The following KLHL1 variants were observed in gnomAD, a reference collection of about 807,000 sequenced individuals.
The protein encoded by KLHL1 is kelch-like protein 1.
In KLHL1, 47 loss-of-function variants were observed where a neutral mutation model predicts 77.7. The ratio of observed to expected loss-of-function variants is 0.60; its 90% CI spans 0.48 to 0.77. The LOEUF is 0.77. Among genes scored for constraint, KLHL1 ranks in the 30% least tolerant of loss-of-function variants. The pLI is 0.00. For missense variants in KLHL1, 925 were observed against 910.8 expected, an observed-to-expected ratio of 1.02 and a Z score of -0.20; for synonymous variants, 360 against 325.2, an observed-to-expected ratio of 1.11 and a Z score of -1.15.
Position 69,940,047 on chromosome 13 carries a change from T to G in KLHL1, c.1007A>C (p.Tyr336Ser). ...CIELMKVAHSYTMENIMEVIR... is the reference protein window; with the variant it reads ...CIELMKVAHSSTMENIMEVIR... ...AACATTAAGTTTCCTTACCATTGTG[T>G]AGCTGTGGGCCACCTTCATTAACTC... Residue 336 changes from tyrosine to serine, a missense_variant, in exon 4 of 11, where the codon TAC becomes TCC. Physicochemically the swap from Tyr to Ser is moderately radical, Grantham distance 144 (BLOSUM62 -2). Coordinates refer to ENST00000377844, the MANE Select transcript of KLHL1 (RefSeq NM_020866.3). The G allele has an allele frequency of 6.2e-7, 1 of 1,604,472 alleles. No individual in the cohort carries two copies. Among genetic ancestry groups the G allele is most frequent in the Non-Finnish European group, 8.5e-7 (1 of 1,175,220 alleles).
chr13:69,750,061 AT>A (rs560551227), intron 7 of KLHL1, among the ~76,000 whole-genome samples: 34 of 151,706 alleles, frequency 2.2e-4, no homozygotes, highest in Admixed American at 4.0e-4. Flanking sequence ...GAATATATTT[AT>A]TTTAAATTAA....
chr13:69,725,024 C>T (rs1298084308), intron 8 of KLHL1, among the ~76,000 whole-genome samples: 1 of 152,086 alleles, frequency 6.6e-6, no homozygotes, highest in Admixed American at 6.6e-5. Flanking sequence ...GGGTTTGTTT[C>T]ACATCCAAGG....
intron 7 of KLHL1, among the ~76,000 whole-genome samples, chr13:69,771,214 T>G (rs557981049): frequency 8.6e-4 from 131 of 151,948 alleles, no homozygotes; most frequent in African/African-American, 3.1e-3. Context: ...AGACTTTTGT[T>G]CTGTGTTGCC....
At chr13:69,814,941 G>A (rs1018663789) in intron 6 of KLHL1, among the ~76,000 whole-genome samples, 1 of 152,080 alleles carries the variant, frequency 6.6e-6, no homozygotes, top group Admixed American at 6.6e-5. Flanking sequence ...AACCCAGGAG[G>A]CGGAGGTTGC....
Position 69,707,663 on chromosome 13 carries a change from T to C in KLHL1, c.2149A>G (p.Met717Val), listed in dbSNP as rs1875686160. 5 of 1,612,448 alleles carry C rather than the reference T, an allele frequency of 3.1e-6. No individual in the cohort carries two copies. Among genetic ancestry groups the C allele is most frequent in the South Asian group, 1.1e-5 (1 of 90,992 alleles). The change falls in exon 10 of 11, where the codon ATG becomes GTG. Residue 717 changes from methionine to valine, a missense_variant. Coordinates refer to ENST00000377844, the MANE Select transcript of KLHL1 (RefSeq NM_020866.3). Reference protein sequence around the residue: ...GYDGQTYLNTMESYDPQTNEW... With the variant: ...GYDGQTYLNTVESYDPQTNEW... ...TTAGTTTGTGGGTCATAGGATTCCA[T>C]AGTGTTGAGGTATGTCTGTCCATCA...
chr13:69,868,059 A>C (rs1880440588), intron 5 of KLHL1, among the ~76,000 whole-genome samples: 1 of 152,188 alleles, frequency 6.6e-6, no homozygotes, highest in Admixed American at 6.6e-5. Context: ...AATTTTGGAA[A>C]AAATATTAAA....
chr13:70,033,023 T>C (rs1886144109), intron 1 of KLHL1, among the ~76,000 whole-genome samples: 1 of 152,196 alleles, frequency 6.6e-6, no homozygotes, highest in South Asian at 2.1e-4. Flanking sequence ...TCTGAGTCTG[T>C]AAATACATTT....
chr13:70,039,845 G>A (rs895002782), intron 1 of KLHL1, among the ~76,000 whole-genome samples: 5 of 151,568 alleles, frequency 3.3e-5, no homozygotes, highest in African/African-American at 1.2e-4. Context: ...TTCACCATAT[G>A]GGCCAGGCTG....
At chr13:69,858,492 T>C (rs1178746829) in intron 5 of KLHL1, among the ~76,000 whole-genome samples, 2 of 152,048 alleles carry the variant, frequency 1.3e-5, no homozygotes, top group Non-Finnish European at 2.9e-5. Flanking sequence ...TGTAAAAATA[T>C]GAGTTAAAGT....
intron 6 of KLHL1, among the ~76,000 whole-genome samples, chr13:69,805,030 A>T (rs1356659320): frequency 6.6e-6 from 1 of 152,056 alleles, no homozygotes; most frequent in Non-Finnish European, 1.5e-5. Flanking sequence ...TCTGAAAAAT[A>T]AAGTTTTAGT....
intron 1 of KLHL1, among the ~76,000 whole-genome samples, chr13:70,027,652 G>GT (rs10667717): frequency 0.11 from 15,359 of 135,820 alleles, 1,101 homozygotes; most frequent in African/African-American, 0.19. Context: ...AATGTAAGTT[G>GT]TTTTTTTTTT....
At chr13:69,888,711 T>C (rs1784554542) in intron 4 of KLHL1, among the ~76,000 whole-genome samples, 1 of 151,886 alleles carries the variant, frequency 6.6e-6, no homozygotes, top group African/African-American at 2.4e-5. Flanking sequence ...TCATTAGAAC[T>C]GCAAAAAAGT....
chr13:69,769,600 T>A (rs1041630253), intron 7 of KLHL1, among the ~76,000 whole-genome samples: 1 of 152,156 alleles, frequency 6.6e-6, no homozygotes, highest in African/African-American at 2.4e-5. Context: ...AAAATACTTT[T>A]TAGCTAATGA....
chr13:69,850,619 G>A (rs1879647218), intron 5 of KLHL1, among the ~76,000 whole-genome samples: 1 of 151,542 alleles, frequency 6.6e-6, no homozygotes, highest in Non-Finnish European at 1.5e-5. Flanking sequence ...AAATTTTTGA[G>A]AAAGATCCAT....
intron 1 of KLHL1, among the ~76,000 whole-genome samples, chr13:70,001,581 GTCTATCTATCTA>G (rs71116971): frequency 3.5e-4 from 51 of 146,734 alleles, no homozygotes; most frequent in African/African-American, 1.1e-3. Context: ...TGATCTATGT[GTCTATCTATCTA>G]TCTATCTATC....
intron 5 of KLHL1, among the ~76,000 whole-genome samples, chr13:69,869,948 T>A (rs1413583481): frequency 1.3e-5 from 2 of 152,348 alleles, no homozygotes; most frequent in Admixed American, 6.5e-5. Flanking sequence ...ATACAAGAGA[T>A]AATTTATTTG....
chr13:69,725,389 C>T (rs919004238), intron 8 of KLHL1, among the ~76,000 whole-genome samples: 1 of 152,198 alleles, frequency 6.6e-6, no homozygotes, highest in Admixed American at 6.5e-5. Context: ...GAAGGAGCAC[C>T]ATCCCTCCCT....
At chr13:69,801,154 G>A (rs1241287932) in intron 6 of KLHL1, among the ~76,000 whole-genome samples, 1 of 152,214 alleles carries the variant, frequency 6.6e-6, no homozygotes, top group East Asian at 1.9e-4. Flanking sequence ...ATAATGAAAT[G>A]TGGGACTGCA....
intron 5 of KLHL1, among the ~76,000 whole-genome samples, 197 bp downstream of exon 5, chr13:69,882,086 A>G (rs997310765): frequency 6.6e-6 from 1 of 152,206 alleles, no homozygotes; most frequent in Non-Finnish European, 1.5e-5. Flanking sequence ...ATGAGTCAAT[A>G]AGCGGCAGAG....
Sources: allele counts gnomAD v4.1 joint callset (sites outside exome capture counted in the v4.1 genomes callset), GRCh38; gene constraint gnomAD v4.1.1; transcripts MANE v1.5; gene names NCBI Gene and HGNC (gene_info 2026-07-23, HGNC 2026-07-21).